DNAAF11: variants seen among roughly 807,000 people sequenced by gnomAD.
DNAAF11 encodes the protein dynein axonemal assembly factor 11.
Under a neutral mutation model 60.8 loss-of-function variants are expected in DNAAF11, and 45 were observed. The ratio of observed to expected loss-of-function variants is 0.74; its 90% CI spans 0.58 to 0.95. The LOEUF (loss-of-function observed/expected upper bound fraction) is 0.95, where lower values mean the gene tolerates loss of function less well. Ranked by LOEUF, DNAAF11 falls within the 40% of genes least tolerant of loss-of-function variation. The pLI, the probability that DNAAF11 is intolerant of heterozygous loss-of-function variation, is 0.00. For synonymous variants in DNAAF11, 191 were observed against 183.5 expected, an observed-to-expected ratio of 1.04 and a Z score of -0.33; for missense variants, 546 against 546.2, an observed-to-expected ratio of 1.00 and a Z score of 0.00.
Position 132,638,021 on chromosome 8 carries a change from G to T in DNAAF11, c.343C>A (p.Leu115Met), listed in dbSNP as rs555621946. The part of the protein sequence containing the change: ...SIKNLQHNIH[L>M]KELFLMGNPC... ...TTCCCCATGAGAAAGAGCTCCTTCA[G>T]ATGGATATTGTGCTGCAAGTTTTTA... The change falls in exon 4 of 12, where the codon CTG (leucine) becomes ATG (methionine). Residue 115 changes from leucine (L) to methionine (M), a missense_variant. By Grantham distance (15) the Leu-to-Met change is conservative (BLOSUM62 2). Transcript: ENST00000620350. 5 of 1,614,104 alleles carry T rather than the reference G, an allele frequency of 3.1e-6. No homozygotes were observed. Among genetic ancestry groups the T allele is most frequent in the Admixed American group, 1.7e-5 (1 of 60,036 alleles).
intron 4 of DNAAF11, among the ~76,000 whole-genome samples, chr8:132,635,511 C>A (rs1586648113): frequency 6.6e-6 from 1 of 152,214 alleles, no homozygotes; most frequent in East Asian, 1.9e-4. Context: ...CCACCTACTT[C>A]TGGAGTGGCT....
intron 1 of DNAAF11, among the ~76,000 whole-genome samples, chr8:132,673,422 A>G (rs1470126778): frequency 6.6e-6 from 1 of 152,156 alleles, no homozygotes; most frequent in East Asian, 1.9e-4. Flanking sequence ...ACCTCAGTTC[A>G]GCCTACTATC....
At chr8:132,608,763 A>T (rs985280844) in intron 10 of DNAAF11, among the ~76,000 whole-genome samples, 6 of 152,216 alleles carry the variant, frequency 3.9e-5, no homozygotes, top group Non-Finnish European at 8.8e-5. Context: ...GTTACTATAG[A>T]AGCATTTCTT....
At chr8:132,586,404 T>G (rs1563977725) in intron 10 of DNAAF11, among the ~76,000 whole-genome samples, 1 of 152,190 alleles carries the variant, frequency 6.6e-6, no homozygotes, top group Non-Finnish European at 1.5e-5. Flanking sequence ...TTTTATTAAA[T>G]TTTAATTAAT....
chr8:132,625,122 C>T (rs984247341), intron 6 of DNAAF11, 150 bp downstream of exon 6: 1 of 526,866 alleles, frequency 1.9e-6, no homozygotes. Context: ...TTAGCCAATA[C>T]AATTCAACAA....
chr8:132,631,576 T>C (rs1439713400), intron 5 of DNAAF11, among the ~76,000 whole-genome samples: 3 of 152,078 alleles, frequency 2.0e-5, no homozygotes, highest in African/African-American at 7.2e-5. Context: ...ACTTGTGAAA[T>C]AAGGGTATTA....
intron 1 of DNAAF11, among the ~76,000 whole-genome samples, chr8:132,669,940 C>CAAAAAAAAAAAA (rs35402875): frequency 1.4e-5 from 1 of 69,786 alleles, no homozygotes; most frequent in African/African-American, 4.0e-5. Context: ...GACTCCGTCT[C>CAAAAAAAAAAAA]AAAAAAAAAA....
Position 132,610,226 on chromosome 8 carries a change from G to A in DNAAF11, c.1080C>T (p.Pro360=), listed in dbSNP as rs779590191. ...FQLVLPAEVK[P]DSSSAKRSQT... ...GAGATCTTTTAGCAGAACTACTATC[G>A]GGTTTCACTTCTGCAGGAAGGACAA... The change falls in exon 10 of 12, where the codon CCC becomes CCT. Residue 360 remains proline, a synonymous_variant. Transcript: ENST00000620350. The A allele has an allele frequency of 7.4e-6, 12 of 1,613,734 alleles. No homozygotes were observed. The Middle Eastern group carries it at 6.6e-4, about 88-fold the overall frequency.
At chr8:132,587,800 T>G (rs1816055362) in intron 10 of DNAAF11, among the ~76,000 whole-genome samples, 1 of 152,202 alleles carries the variant, frequency 6.6e-6, no homozygotes, top group Non-Finnish European at 1.5e-5. Flanking sequence ...TTACATTATT[T>G]TAACTCTCAT....
intron 5 of DNAAF11, among the ~76,000 whole-genome samples, chr8:132,629,353 C>CG: frequency 7.8e-6 from 1 of 127,516 alleles, no homozygotes; most frequent in East Asian, 2.2e-4. Flanking sequence ...TTTTTTTTTT[C>CG]TTTTTTTTTT....
chr8:132,586,532 C>T (rs903632522), intron 10 of DNAAF11, among the ~76,000 whole-genome samples: 4 of 152,178 alleles, frequency 2.6e-5, no homozygotes, highest in Admixed American at 6.5e-5. Context: ...ACGACCTTGT[C>T]CATACCAACT....
chr8:132,593,277 T>C (rs1285907744), intron 10 of DNAAF11, among the ~76,000 whole-genome samples: 5 of 147,808 alleles, frequency 3.4e-5, no homozygotes, highest in African/African-American at 1.2e-4. Flanking sequence ...ATGTGTTTAG[T>C]ATGATAGAAG....
intron 10 of DNAAF11, among the ~76,000 whole-genome samples, chr8:132,589,232 C>A (rs1816218535): frequency 6.6e-6 from 1 of 152,158 alleles, no homozygotes; most frequent in Non-Finnish European, 1.5e-5. Flanking sequence ...AGAAAACAAG[C>A]ATGAGCAGAG....
chr8:132,623,191 G>C (rs544614745), intron 6 of DNAAF11, among the ~76,000 whole-genome samples: 10 of 152,160 alleles, frequency 6.6e-5, no homozygotes, highest in African/African-American at 2.2e-4. Context: ...CAAACCCCTG[G>C]AACTGTTGTG....
intron 10 of DNAAF11, among the ~76,000 whole-genome samples, chr8:132,598,753 T>C (rs1024995355): frequency 6.6e-6 from 1 of 152,198 alleles, no homozygotes; most frequent in Non-Finnish European, 1.5e-5. Context: ...CATACCAGAA[T>C]CTGTGGGACA....
chr8:132,583,861 A>G (rs1289352614), intron 10 of DNAAF11, 82 bp from the exon 11 acceptor site: 2 of 923,212 alleles, frequency 2.2e-6, no homozygotes, highest in East Asian at 2.6e-5. Context: ...GTATTTTAAA[A>G]GATACTAAAA....
chr8:132,616,794 A>G (rs1819206783), intron 7 of DNAAF11, among the ~76,000 whole-genome samples: 1 of 152,192 alleles, frequency 6.6e-6, no homozygotes, highest in South Asian at 2.1e-4. Context: ...ATATACTTCT[A>G]TAGAAGGGCA....
rs1586764206 is a variant in DNAAF11, at chr8:132,674,831, T to C, written c.10+653A>G. On this transcript the variant is annotated intron_variant, in intron 1 of 11. Transcript: ENST00000620350. Reference sequence around the variant, plus strand: ...TGAACCCGGGAGGCGGAGGCTGCAGTGGGCCGAGATCGCGCCGCTGCACTC... The same window carrying C: ...TGAACCCGGGAGGCGGAGGCTGCAGCGGGCCGAGATCGCGCCGCTGCACTC... Among the ~76,000 whole-genome samples the C allele has an allele frequency of 2.6e-5, 4 of 152,220 alleles. No individual in the cohort carries two copies. The South Asian group carries it at 8.3e-4, about 32-fold the overall frequency.
At chr8:132,682,733 A>C in the DNAAF11 span, among the ~76,000 whole-genome samples, 1 of 152,204 alleles carries the variant, frequency 6.6e-6, no homozygotes, top group Non-Finnish European at 1.5e-5. Context: ...GTAATTTATA[A>C]AGAAAAAATA....
Sources: gnomAD v4.1 joint callset for allele counts (sites outside exome capture counted in the v4.1 genomes callset) on GRCh38, gnomAD v4.1.1 for gene constraint, MANE v1.5 for transcripts, NCBI Gene and HGNC (gene_info 2026-07-23, HGNC 2026-07-21) for gene names.